The following OXR1 variants were observed in gnomAD, a reference collection of about 807,000 sequenced individuals.
The protein encoded by OXR1 is oxidation resistance 1.
OXR1 carries 41 observed loss-of-function variants against 104.6 expected under a neutral mutation model. The ratio of observed to expected loss-of-function variants is 0.39; its 90% CI spans 0.31 to 0.51. OXR1 has a LOEUF of 0.51. OXR1 is among the 20% of genes least tolerant of loss of function. OXR1 has a pLI of 0.77. For missense variants in OXR1, 955 were observed against 1,031.9 expected (o/e 0.93, Z 1.02); for synonymous variants, 348 against 348.4 (o/e 1.00, Z 0.01).
intron 3 of OXR1, among the ~76,000 whole-genome samples, chr8:106,569,482 G>A (rs147086654): frequency 1.8e-4 from 27 of 152,162 alleles, no homozygotes; most frequent in African/African-American, 5.8e-4. Context: ...GCAAATCATC[G>A]CATCCTAAGT....
intron 3 of OXR1, among the ~76,000 whole-genome samples, chr8:106,653,083 A>T (rs116946869): frequency 0.23 from 32,018 of 136,864 alleles, 3,901 homozygotes; most frequent in East Asian, 0.44. Context: ...AAAAAAAAAA[A>T]ATATATATAT....
At chr8:106,452,114 C>G (rs1304685437) in intron 2 of OXR1, among the ~76,000 whole-genome samples, 2 of 152,116 alleles carry the variant, frequency 1.3e-5, no homozygotes, top group Non-Finnish European at 2.9e-5. Context: ...TGGTTTCTGT[C>G]TGGTAAGCTC....
chr8:106,314,772 A>G (rs7013467), intron 1 of OXR1, among the ~76,000 whole-genome samples: 31,633 of 152,132 alleles, frequency 0.21, 5,270 homozygotes, highest in African/African-American at 0.46. Flanking sequence ...ATAGAATGCA[A>G]TTAATAATAA....
intron 2 of OXR1, 90 bp downstream of exon 2, chr8:106,359,726 A>G (rs761428117): frequency 1.0e-5 from 10 of 969,434 alleles, no homozygotes; most frequent in African/African-American, 1.6e-5. Flanking sequence ...GAACTTGGGC[A>G]GAGAGAAAAC....
At chr8:106,627,506 A>G (rs1822273742) in intron 3 of OXR1, among the ~76,000 whole-genome samples, 2 of 152,132 alleles carry the variant, frequency 1.3e-5, no homozygotes, top group Admixed American at 1.3e-4. Context: ...TTTTACATCA[A>G]TTCTATTATG....
At chr8:106,318,083 C>T (rs1026166084) in intron 1 of OXR1, among the ~76,000 whole-genome samples, 1 of 151,870 alleles carries the variant, frequency 6.6e-6, no homozygotes, top group Non-Finnish European at 1.5e-5. Context: ...ATATACTGGG[C>T]ATATGTGATG....
chr8:106,679,193 T>C lies in OXR1; in HGVS notation c.221-17T>C, dbSNP rs770388802. On this transcript the variant is annotated splice_polypyrimidine_tract_variant and intron_variant, in intron 3 of 16. Transcript: ENST00000517566. The stretch of plus-strand genomic sequence containing the variant: ...AAGAAAGATGAATTTAATAGGAATT[T>C]TGCCTTTTTTTCCCAGACACTGGCC... 3 of 1,503,512 alleles carry C rather than the reference T, an allele frequency of 2.0e-6. No individual in the cohort carries two copies. Among genetic ancestry groups the C allele is most frequent in the Non-Finnish European group, 2.8e-6 (3 of 1,083,916 alleles). The allele number at this position is 1,503,512 out of a possible 1,614,324, so 93.1% of individuals were successfully genotyped here. A position where few individuals can be genotyped will look rare whatever the true frequency, so the allele number is the denominator to read the frequency against.
chr8:106,483,810 A>G (rs995212258), intron 2 of OXR1, among the ~76,000 whole-genome samples: 1 of 152,080 alleles, frequency 6.6e-6, no homozygotes, highest in African/African-American at 2.4e-5. Flanking sequence ...AAGGGAGACT[A>G]TCTGGGGAAC....
intron 3 of OXR1, among the ~76,000 whole-genome samples, chr8:106,643,616 G>A (rs539098674): frequency 1.1e-4 from 17 of 152,090 alleles, no homozygotes; most frequent in Non-Finnish European, 1.9e-4. Context: ...CAGAAAACCC[G>A]CTGTGGGACA....
At chr8:106,637,186 AC>A (rs1823210588) in intron 3 of OXR1, among the ~76,000 whole-genome samples, 1 of 152,294 alleles carries the variant, frequency 6.6e-6, no homozygotes, top group African/African-American at 2.4e-5. Flanking sequence ...GTTTCTCCTA[AC>A]CTTGTTGCTA....
At chr8:106,490,124 C>T (rs1159448179) in intron 2 of OXR1, among the ~76,000 whole-genome samples, 2 of 152,132 alleles carry the variant, frequency 1.3e-5, no homozygotes, top group Non-Finnish European at 2.9e-5. Context: ...ATACCTTTCC[C>T]CTTCACCAGC....
intron 1 of OXR1, among the ~76,000 whole-genome samples, chr8:106,349,006 G>A (rs1011798044): frequency 7.9e-5 from 12 of 152,292 alleles, no homozygotes; most frequent in African/African-American, 2.6e-4. Flanking sequence ...TTAGAGACAA[G>A]TTTGAAGGCC....
intron 1 of OXR1, among the ~76,000 whole-genome samples, chr8:106,303,725 A>G (rs1813360355): frequency 6.6e-6 from 1 of 152,224 alleles, no homozygotes; most frequent in African/African-American, 2.4e-5. Context: ...ACTTGTTTTA[A>G]TTAAAATTTA....
At chr8:106,577,149 A>G (rs541071498) in intron 3 of OXR1, among the ~76,000 whole-genome samples, 37 of 152,014 alleles carry the variant, frequency 2.4e-4, no homozygotes. Context: ...ATGGATATAT[A>G]TGTCAGTTTT....
intron 1 of OXR1, among the ~76,000 whole-genome samples, chr8:106,287,531 A>G (rs1164781762): frequency 1.3e-5 from 2 of 152,182 alleles, no homozygotes; most frequent in East Asian, 3.9e-4. Flanking sequence ...GAAAAGTGCA[A>G]TAAACACCAA....
chr8:106,339,514 AAAAAAATATATAT>A lies in OXR1; in HGVS notation c.-138-19960_-138-19948del, dbSNP rs1563725950. ...ATCCAAAAAAAAAAAAAAAAAAAAA[AAAAAAATATATAT>A]ATATATATATATATATATATATATA... On this transcript the variant is annotated intron_variant, in intron 1 of 16. Transcript: ENST00000517566. 2.7e-4 allele frequency among the ~76,000 whole-genome samples: 10 copies of A among 36,398 alleles called. 1 individual carries two copies. The highest frequency in any genetic ancestry group is 1.9e-3 in the African/African-American group (10 of 5,180). 23.9% of individuals were successfully genotyped at this position (36,398 alleles called of 152,430 possible). A position where few individuals can be genotyped will look rare whatever the true frequency, so the allele number is the denominator to read the frequency against.
chr8:106,606,845 T>C (rs866766644), intron 3 of OXR1, among the ~76,000 whole-genome samples: 2 of 152,156 alleles, frequency 1.3e-5, no homozygotes, highest in East Asian at 3.9e-4. Flanking sequence ...GCCTACCTTG[T>C]TGGAGTACCT....
At chr8:106,496,787 C>A (rs557137425) in intron 2 of OXR1, among the ~76,000 whole-genome samples, 5 of 152,156 alleles carry the variant, frequency 3.3e-5, no homozygotes, top group African/African-American at 1.2e-4. Context: ...CTATTACAGT[C>A]GCACTTATGA....
chr8:106,410,534 A>G (rs1586616260), intron 2 of OXR1, among the ~76,000 whole-genome samples: 2 of 152,194 alleles, frequency 1.3e-5, no homozygotes, highest in South Asian at 4.1e-4. Context: ...AGAAGGCAGT[A>G]GACTTTTAGA....
Sources: gnomAD v4.1 joint callset for allele counts (sites outside exome capture counted in the v4.1 genomes callset) on GRCh38, gnomAD v4.1.1 for gene constraint, MANE v1.5 for transcripts, NCBI Gene and HGNC (gene_info 2026-07-23, HGNC 2026-07-21) for gene names.